Variants in ECT2L observed in about 807,000 individuals in gnomAD.
ECT2L encodes epithelial cell-transforming sequence 2 oncogene-like.
ECT2L carries 126 observed loss-of-function variants against 122.8 expected under a neutral mutation model. That is an observed-to-expected ratio of 1.03 (90% CI 0.89 to 1.19). ECT2L has a LOEUF of 1.19. Ranked by LOEUF, ECT2L falls within the 50% of genes most tolerant of loss-of-function variation. ECT2L has a pLI of 0.00. For synonymous variants in ECT2L, 385 were observed against 381.8 expected (o/e 1.01, Z -0.10); for missense variants, 1,012 against 1,064.1 (o/e 0.95, Z 0.68).
intron 4 of ECT2L, among the ~76,000 whole-genome samples, chr6:138,826,602 G>A (rs1053832379): frequency 1.3e-5 from 2 of 152,034 alleles, no homozygotes; most frequent in Non-Finnish European, 2.9e-5. Context: ...AGGAGGCAGA[G>A]ATTGCAGTGA....
chr6:138,801,979 G>A (rs565061003), intron 1 of ECT2L, among the ~76,000 whole-genome samples: 1 of 152,274 alleles, frequency 6.6e-6, no homozygotes, highest in Non-Finnish European at 1.5e-5. Context: ...CGGTTCTGAT[G>A]AATCAAAAAG....
chr6:138,862,580 T>A (rs762220728), intron 10 of ECT2L, 47 bp from the exon 11 acceptor site: 3 of 1,554,072 alleles, frequency 1.9e-6, no homozygotes, highest in Non-Finnish European at 2.7e-6. Flanking sequence ...TGATCTTCCA[T>A]GGCAAAATAT....
chr6:138,897,532 G>A (rs1779257649), intron 20 of ECT2L, among the ~76,000 whole-genome samples: 1 of 152,088 alleles, frequency 6.6e-6, no homozygotes, highest in Admixed American at 6.5e-5. Context: ...ATCTGCTTTT[G>A]CGTATTTAGT....
rs1362639091 is a variant in ECT2L at position 138,885,768 on chromosome 6, G to A, written c.2197G>A (p.Asp733Asn). The A allele has an allele frequency of 1.2e-6, 2 of 1,614,016 alleles. No individual in the cohort carries two copies. The highest frequency in any genetic ancestry group is 1.7e-6 in the Non-Finnish European group (2 of 1,180,034). Reference protein sequence around the residue: ...VRLHTPAEHVDRGDLTTAIDQ... With the variant: ...VRLHTPAEHVNRGDLTTAIDQ... The stretch of plus-strand genomic sequence containing the variant: ...GCTTCATACCCCTGCAGAGCATGTT[G>A]ACCGTGGGGACTTGACCACTGCAAT... Residue 733 changes from aspartate to asparagine, a missense_variant, in exon 18 of 22, where the codon GAC (aspartate) becomes AAC (asparagine). Transcript: ENST00000541398.
chr6:138,902,610 A>G lies in ECT2L; in HGVS notation c.2698A>G (p.Ser900Gly). ...WLSVLRNAIK[S>G]SMEK ...GTCAGTACTTCGAAATGCAATCAAA[A>G]GCAGTATGGAGAAGTGAGACCGAAC... Residue 900 changes from serine (S) to glycine (G), a missense_variant, in exon 22 of 22, where the codon AGC (serine) becomes GGC (glycine). By Grantham distance (56) the Ser-to-Gly change is moderately conservative. Coordinates refer to ENST00000541398, the MANE Select transcript of ECT2L (RefSeq NM_001077706.3). The G allele has an allele frequency of 6.2e-7, 1 of 1,613,832 alleles. No homozygotes were observed. Among genetic ancestry groups the G allele is most frequent in the Non-Finnish European group, 8.5e-7 (1 of 1,179,864 alleles).
intron 4 of ECT2L, among the ~76,000 whole-genome samples, chr6:138,829,482 T>C (rs1776576797): frequency 6.6e-6 from 1 of 152,170 alleles, no homozygotes; most frequent in Non-Finnish European, 1.5e-5. Context: ...TGCATCCATA[T>C]CTCTTTCACA....
At chr6:138,865,402 T>G (rs1005267255) in intron 12 of ECT2L, among the ~76,000 whole-genome samples, 1 of 152,192 alleles carries the variant, frequency 6.6e-6, no homozygotes, top group African/African-American at 2.4e-5. Flanking sequence ...ATTTTAACAT[T>G]TTACCACCTT....
chr6:138,880,625 T>C (rs1778612898), intron 14 of ECT2L, among the ~76,000 whole-genome samples: 1 of 152,226 alleles, frequency 6.6e-6, no homozygotes, highest in African/African-American at 2.4e-5. Context: ...CAGGACTCTG[T>C]CTTGTTCTCA....
In ECT2L at chr6:138,812,228, G is replaced by C. The variant is rs539227352; in HGVS notation, c.-243-610G>C. 2.0e-5 allele frequency among the ~76,000 whole-genome samples: 3 copies of C among 152,276 alleles called. No individual in the cohort carries two copies. In the East Asian group the frequency reaches 5.8e-4, roughly 29 times the overall value. ...CTTAATCTTGGAATTATAGCCCCTA[G>C]AACTGTGAGAAAATAAGTTTCTGTT... On this transcript the variant is annotated intron_variant, in intron 1 of 21. Transcript: ENST00000541398.
chr6:138,868,203 T>C lies in ECT2L; in HGVS notation c.1575T>C (p.Asp525=), dbSNP rs1260471269. ...ADGLMELSKE[D]SERNVVEDNS... is the part of the protein sequence containing the mutation. ...GATTGATGGAGTTGTCAAAAGAAGA[T>C]TCTGTAAGTGTTTCTTTGAAGAAAG... is the stretch of plus-strand genomic sequence containing the variant. Residue 525 remains aspartate (D), a synonymous_variant, in exon 13 of 22, where the codon GAT becomes GAC. Transcript: ENST00000541398. 3 of 1,610,052 alleles carry C rather than the reference T, an allele frequency of 1.9e-6. No homozygotes were observed. Among genetic ancestry groups the C allele is most frequent in the South Asian group, 2.2e-5 (2 of 89,908 alleles).
At chr6:138,864,412 C>A (rs2876398) in intron 11 of ECT2L, among the ~76,000 whole-genome samples, 17,825 of 152,244 alleles carry the variant, frequency 0.12, 1,404 homozygotes, top group Non-Finnish European at 0.17. Flanking sequence ...CCATTCAGGA[C>A]AGAAAATCAA....
chr6:138,802,537 T>G (rs138819976), intron 1 of ECT2L, among the ~76,000 whole-genome samples: 3 of 152,212 alleles, frequency 2.0e-5, no homozygotes, highest in Admixed American at 1.3e-4. Flanking sequence ...GTTGTGAACA[T>G]TAAGCATATT....
In ECT2L at chr6:138,849,452, C is replaced by T. The variant is rs949908347; in HGVS notation, c.1069+18C>T. On this transcript the variant is annotated intron_variant, in intron 9 of 21. Coordinates refer to ENST00000541398, the MANE Select transcript of ECT2L (RefSeq NM_001077706.3). ...ACTCCAAGGTAGGCCTGGGGATTGG[C>T]GGATGAACAACCATGGAACTTCGCG... is the stretch of plus-strand genomic sequence containing the variant. The T allele has an allele frequency of 8.1e-6, 13 of 1,604,666 alleles. No individual in the cohort carries two copies. Among genetic ancestry groups the T allele is most frequent in the Non-Finnish European group, 8.5e-6 (10 of 1,175,598 alleles).
At chr6:138,900,236 C>T (rs1779353350) in intron 20 of ECT2L, among the ~76,000 whole-genome samples, 1 of 152,038 alleles carries the variant, frequency 6.6e-6, no homozygotes, top group Admixed American at 6.6e-5. Flanking sequence ...GTGTTTCTCT[C>T]TACCCCAACT....
intron 4 of ECT2L, among the ~76,000 whole-genome samples, chr6:138,832,522 G>A (rs1776681200): frequency 2.6e-5 from 4 of 152,118 alleles, no homozygotes; most frequent in Admixed American, 2.6e-4. Flanking sequence ...AATGTGCCAG[G>A]AGATTTAATA....
Position 138,902,713 on chromosome 6 carries a change from A to G in ECT2L, c.*86A>G. 4.0e-6 allele frequency: 6 copies of G among 1,487,334 alleles called. No homozygotes were observed. In the South Asian group the frequency reaches 7.0e-5, roughly 17 times the overall value. The allele number at this position is 1,487,334 out of a possible 1,614,324, so 92.1% of individuals were successfully genotyped here. On this transcript the variant is annotated 3_prime_UTR_variant, in exon 22 of 22. Coordinates refer to ENST00000541398, the MANE Select transcript of ECT2L (RefSeq NM_001077706.3). Reference sequence around the variant, plus strand: ...TTTCTGTTCCAAAATATCCAGTAAGAAACAGAATAACTGTCATGGATGATG... The same window carrying G: ...TTTCTGTTCCAAAATATCCAGTAAGGAACAGAATAACTGTCATGGATGATG...
At chr6:138,846,087 T>C (rs1777211682) in intron 7 of ECT2L, among the ~76,000 whole-genome samples, 1 of 152,066 alleles carries the variant, frequency 6.6e-6, no homozygotes. Context: ...TTTTTTTTTT[T>C]ATAAAAAGAA....
At chr6:138,894,187 G>A (rs1030910977) in intron 20 of ECT2L, among the ~76,000 whole-genome samples, 1 of 152,138 alleles carries the variant, frequency 6.6e-6, no homozygotes, top group Non-Finnish European at 1.5e-5. Flanking sequence ...CTCCCAAGTA[G>A]CTGGGATTAC....
At chr6:138,864,580 A>G (rs1346581303) in intron 11 of ECT2L, among the ~76,000 whole-genome samples, 1 of 152,122 alleles carries the variant, frequency 6.6e-6, no homozygotes, top group Non-Finnish European at 1.5e-5. Flanking sequence ...GTTGACTTCC[A>G]TTGGCGATGA....
Sources: gnomAD v4.1 joint callset for allele counts (sites outside exome capture counted in the v4.1 genomes callset) on GRCh38, gnomAD v4.1.1 for gene constraint, MANE v1.5 for transcripts, NCBI Gene and HGNC (gene_info 2026-07-23, HGNC 2026-07-21) for gene names.